Variants in DLGAP1 observed in about 807,000 individuals in gnomAD.
DLGAP1 encodes DLG associated protein 1.
A neutral mutation model predicts 90.8 loss-of-function variants in DLGAP1; 11 were observed. That is an observed-to-expected ratio of 0.12 (90% CI 0.08 to 0.20). DLGAP1 has a LOEUF of 0.20. DLGAP1 is among the 10% of genes least tolerant of loss of function. The pLI, the probability that DLGAP1 is intolerant of heterozygous loss-of-function variation, is 1.00. For synonymous variants in DLGAP1, 558 were observed against 540.7 expected (o/e 1.03, Z -0.44); for missense variants, 1,050 against 1,333.8 (o/e 0.79, Z 3.31).
chr18:3,631,742 G>C (rs745914604), intron 7 of DLGAP1, among the ~76,000 whole-genome samples: 1 of 151,010 alleles, frequency 6.6e-6, no homozygotes, highest in Non-Finnish European at 1.5e-5. Context: ...GCAAGATCCT[G>C]TCTCAAATAA....
intron 1 of DLGAP1, among the ~76,000 whole-genome samples, chr18:4,277,039 A>G (rs1012686335): frequency 6.6e-6 from 1 of 152,220 alleles, no homozygotes; most frequent in African/African-American, 2.4e-5. Flanking sequence ...AACTTAGCTC[A>G]TGCTGATTTT....
chr18:3,968,896 G>A (rs2073386755), intron 3 of DLGAP1, among the ~76,000 whole-genome samples: 1 of 151,848 alleles, frequency 6.6e-6, no homozygotes, highest in Non-Finnish European at 1.5e-5. Flanking sequence ...ATAATTAAGA[G>A]GACCTGGTAA....
intron 7 of DLGAP1, among the ~76,000 whole-genome samples, chr18:3,605,961 A>G (rs1568291217): frequency 6.6e-6 from 1 of 152,238 alleles, no homozygotes; most frequent in Non-Finnish European, 1.5e-5. Context: ...CAAACAAAAC[A>G]CTAAAATCAA....
At chr18:3,770,365 G>C (rs2064471867) in intron 5 of DLGAP1, among the ~76,000 whole-genome samples, 1 of 152,146 alleles carries the variant, frequency 6.6e-6, no homozygotes, top group Non-Finnish European at 1.5e-5. Flanking sequence ...TTAATGACCA[G>C]ACACATGTCC....
intron 1 of DLGAP1, among the ~76,000 whole-genome samples, chr18:4,280,317 C>T (rs1301249839): frequency 6.6e-6 from 1 of 152,124 alleles, no homozygotes; most frequent in East Asian, 1.9e-4. Flanking sequence ...TTGCCAGGAA[C>T]TGTTCTTAGT....
chr18:3,567,695 A>G, intron 8 of DLGAP1, 114 bp from the exon 9 acceptor site: 1 of 908,838 alleles, frequency 1.1e-6, no homozygotes, highest in Non-Finnish European at 1.7e-6. Context: ...TTTGTAATTT[A>G]TAACCTCCTT....
chr18:3,587,560 G>C (rs1404030480), intron 7 of DLGAP1, among the ~76,000 whole-genome samples: 1 of 152,158 alleles, frequency 6.6e-6, no homozygotes, highest in Non-Finnish European at 1.5e-5. Flanking sequence ...GACAAATAAG[G>C]GAATAAAAGT....
intron 1 of DLGAP1, among the ~76,000 whole-genome samples, chr18:4,278,058 G>A (rs548757978): frequency 6.6e-6 from 1 of 151,730 alleles, no homozygotes; most frequent in East Asian, 1.9e-4. Flanking sequence ...CTTACCTTTG[G>A]CTCTTTTTTA....
intron 2 of DLGAP1, among the ~76,000 whole-genome samples, chr18:4,085,136 G>C (rs2075663805): frequency 6.6e-6 from 1 of 152,200 alleles, no homozygotes; most frequent in African/African-American, 2.4e-5. Flanking sequence ...TGGTGCAACT[G>C]AATGGTAGAA....
intron 2 of DLGAP1, among the ~76,000 whole-genome samples, chr18:4,097,191 A>G (rs1263511326): frequency 6.6e-6 from 1 of 152,228 alleles, no homozygotes; most frequent in East Asian, 1.9e-4. Context: ...TACAGGGATC[A>G]GGACTTCGTC....
intron 7 of DLGAP1, among the ~76,000 whole-genome samples, chr18:3,656,447 A>C (rs2059487177): frequency 6.6e-6 from 1 of 152,342 alleles, no homozygotes; most frequent in Non-Finnish European, 1.5e-5. Flanking sequence ...AAAAGTTCAC[A>C]CAATAGGATG....
chr18:3,603,864 C>G (rs1263325325), intron 7 of DLGAP1: 13 of 154,328 alleles, frequency 8.4e-5, no homozygotes, highest in Non-Finnish European at 1.5e-5. Context: ...TCAAAATCTT[C>G]AACTCGCCAC....
chr18:4,315,109 G>A (rs1316094553), intron 1 of DLGAP1, among the ~76,000 whole-genome samples: 1 of 152,124 alleles, frequency 6.6e-6, no homozygotes, highest in Non-Finnish European at 1.5e-5. Flanking sequence ...AACTGCTAGG[G>A]TGGCCTCCCA....
intron 7 of DLGAP1, among the ~76,000 whole-genome samples, chr18:3,713,949 C>G (rs1478722606): frequency 6.6e-6 from 1 of 152,160 alleles, no homozygotes; most frequent in Non-Finnish European, 1.5e-5. Context: ...GGATTCCGCC[C>G]TATTCTGAAA....
At chr18:3,917,704 G>A (rs1175833868) in intron 3 of DLGAP1, among the ~76,000 whole-genome samples, 4 of 152,242 alleles carry the variant, frequency 2.6e-5, no homozygotes, top group East Asian at 3.9e-4. Context: ...TGAGGCATAC[G>A]TTGGATGATT....
chr18:4,384,531 A>G (rs541243548), intron 1 of DLGAP1, among the ~76,000 whole-genome samples: 1 of 152,226 alleles, frequency 6.6e-6, no homozygotes, highest in African/African-American at 2.4e-5. Flanking sequence ...AACAGGTTGA[A>G]CCTTTTAAGA....
At chr18:3,545,606 C>T (rs1226467952) in intron 9 of DLGAP1, among the ~76,000 whole-genome samples, 1 of 152,156 alleles carries the variant, frequency 6.6e-6, no homozygotes, top group Non-Finnish European at 1.5e-5. Context: ...CCTATAATCT[C>T]AGCACTTTGG....
chr18:3,691,670 G>A (rs2060902290), intron 7 of DLGAP1, among the ~76,000 whole-genome samples: 1 of 152,152 alleles, frequency 6.6e-6, no homozygotes, highest in Non-Finnish European at 1.5e-5. Context: ...ACAACACTTT[G>A]GGAGGCCAAG....
chr18:4,370,651 T>A (rs1443026404), intron 1 of DLGAP1, among the ~76,000 whole-genome samples: 2 of 152,162 alleles, frequency 1.3e-5, no homozygotes, highest in Non-Finnish European at 2.9e-5. Context: ...GTTGAGTTGC[T>A]ATGGATTCTG....
Sources: allele counts gnomAD v4.1 joint callset (sites outside exome capture counted in the v4.1 genomes callset), GRCh38; gene constraint gnomAD v4.1.1; transcripts MANE v1.5; gene names NCBI Gene and HGNC (gene_info 2026-07-23, HGNC 2026-07-21).